Variants in BMP1 observed in about 807,000 individuals in gnomAD.
BMP1 encodes the protein bone morphogenetic protein 1.
A neutral mutation model predicts 116.8 loss-of-function variants in BMP1; 63 were observed. The observed-to-expected ratio is 0.54, with a 90% confidence interval of 0.44 to 0.67. The LOEUF (loss-of-function observed/expected upper bound fraction) is 0.67, where lower values mean the gene tolerates loss of function less well. BMP1 is among the 30% of genes least tolerant of loss of function. The pLI is 0.00. For missense variants in BMP1, 1,183 were observed against 1,358.9 expected, an observed-to-expected ratio of 0.87 and a Z score of 2.04; for synonymous variants, 536 against 533.4, an observed-to-expected ratio of 1.00 and a Z score of -0.07.
chr8:22,180,398 G>C lies in BMP1; in HGVS notation c.992G>C (p.Gly331Ala). 6.2e-7 allele frequency: 1 copy of C among 1,614,004 alleles called. No homozygotes were observed. The highest frequency in any genetic ancestry group is 8.5e-7 in the Non-Finnish European group (1 of 1,179,944). The change falls in exon 8 of 20, where the codon GGC becomes GCC. Residue 331 changes from glycine (G) to alanine (A), a missense_variant. Coordinates refer to ENST00000306385, the MANE Select transcript of BMP1 (RefSeq NM_006129.5). ...ACGETLQDST[G>A]NFSSPEYPNG... ...GGAGAGACCCTGCAAGACAGCACAG[G>C]CAACTTCTCCTCCCCTGAATACCCC...
intron 8 of BMP1, among the ~76,000 whole-genome samples, chr8:22,189,403 G>T (rs928779470): frequency 6.8e-6 from 1 of 146,966 alleles, no homozygotes; most frequent in East Asian, 2.0e-4. Flanking sequence ...TAATTATTCA[G>T]TTGCCCCCTG....
rs1425876715 is a variant in BMP1, at chr8:22,176,516, T to C, written c.434-17T>C. On this transcript the variant is annotated splice_polypyrimidine_tract_variant and intron_variant, in intron 3 of 19. Transcript: ENST00000306385. ...TGCCTGGACACCGTGGCAACCTGGC[T>C]TCCTTCCTCCTGGCAGGTAGCCAGA... is the stretch of plus-strand genomic sequence containing the variant. The C allele has an allele frequency of 1.9e-6, 3 of 1,613,530 alleles. No individual in the cohort carries two copies. In the Admixed American group the frequency reaches 5.0e-5, roughly 27 times the overall value.
chr8:22,165,874 TGTGC>T (rs1283969308), intron 1 of BMP1, among the ~76,000 whole-genome samples: 26 of 139,972 alleles, frequency 1.9e-4, no homozygotes, highest in African/African-American at 5.1e-4. Context: ...GCCAAACTCC[TGTGC>T]GTGCGTGTGT....
At position 22,195,563 on chromosome 8, in the gene BMP1, G is replaced by T; in HGVS notation, c.1741G>T (p.Ala581Ser). 1 of 1,612,296 alleles carries T rather than the reference G, an allele frequency of 6.2e-7. No individual in the cohort carries two copies. The highest frequency in any genetic ancestry group is 1.7e-5 in the Admixed American group (1 of 59,866). ...KCSCDPGYEL[A>S]PDKRRCEAAC... ...CAGCTGTGACCCCGGGTACGAGCTG[G>T]CCCCAGACAAGCGCCGCTGTGAGGG... Residue 581 changes from alanine to serine, a missense_variant, in exon 13 of 20, where the codon GCC (alanine) becomes TCC (serine). This residue lies in a region of BMP1 where 956 missense variants were observed against 1,135.2 expected (regional missense o/e 0.84). Transcript: ENST00000306385.
intron 15 of BMP1, among the ~76,000 whole-genome samples, chr8:22,200,789 C>T (rs1377838917): frequency 6.6e-6 from 1 of 152,146 alleles, no homozygotes; most frequent in Non-Finnish European, 1.5e-5. Context: ...GTACTGTTCC[C>T]CTCTACCGAC....
intron 8 of BMP1, among the ~76,000 whole-genome samples, chr8:22,185,259 C>T (rs1828734384): frequency 6.6e-6 from 1 of 152,040 alleles, no homozygotes; most frequent in Non-Finnish European, 1.5e-5. Context: ...TGAGACCAGC[C>T]TGGCCAACGT....
intron 15 of BMP1, chr8:22,201,477 C>G: frequency 7.1e-7 from 1 of 1,402,328 alleles, no homozygotes; most frequent in Non-Finnish European, 9.2e-7. Context: ...GCTCCTTTCT[C>G]TTGCAGTCTG....
In BMP1 at chr8:22,194,778, A is replaced by G; in HGVS notation, c.1498A>G (p.Ser500Gly). 2 of 1,613,830 alleles carry G rather than the reference A, an allele frequency of 1.2e-6. No individual in the cohort carries two copies. The highest frequency in any genetic ancestry group is 1.7e-4 in the Middle Eastern group (1 of 6,060). The change falls in exon 12 of 20, where the codon AGT becomes GGT. Residue 500 changes from serine (S) to glycine (G), a missense_variant. Coordinates refer to ENST00000306385, the MANE Select transcript of BMP1 (RefSeq NM_006129.5). This position sits in a 1 kb window ranked among gnomAD's most constrained non-coding sequence, Gnocchi z 4.5. Reference protein sequence around the residue: ...YDYLEVRDGHSESSTLIGRYC... With the variant: ...YDYLEVRDGHGESSTLIGRYC... Reference sequence around the variant, plus strand: ...CTATCTGGAGGTGCGCGACGGGCACAGTGAGAGCAGCACCCTCATCGGGCG... The same window carrying G: ...CTATCTGGAGGTGCGCGACGGGCACGGTGAGAGCAGCACCCTCATCGGGCG...
chr8:22,199,669 C>T (rs889266495), intron 15 of BMP1, among the ~76,000 whole-genome samples: 3 of 152,192 alleles, frequency 2.0e-5, no homozygotes, highest in Non-Finnish European at 2.9e-5. Flanking sequence ...TTGCTCAGTC[C>T]GTAAGCTGGG....
At chr8:22,197,151 GATGT>G in intron 14 of BMP1, 85 bp from the exon 15 acceptor site, 1 of 1,503,040 alleles carries the variant, frequency 6.7e-7, no homozygotes, top group Non-Finnish European at 9.0e-7. Flanking sequence ...AAGGCTAAAG[GATGT>G]GCAGAACAGA....
At chr8:22,206,565 G>A (rs1011200464) in intron 16 of BMP1, among the ~76,000 whole-genome samples, 1 of 151,902 alleles carries the variant, frequency 6.6e-6, no homozygotes, top group African/African-American at 2.4e-5. Context: ...GACCCCTGTG[G>A]CCCAACACCT....
chr8:22,194,705 A>G lies in BMP1; in HGVS notation c.1444-19A>G. The G allele has an allele frequency of 6.3e-7, 1 of 1,593,920 alleles. No individual in the cohort carries two copies. The highest frequency in any genetic ancestry group is 1.7e-4 in the Middle Eastern group (1 of 5,956). On this transcript the variant is annotated intron_variant, in intron 11 of 19. Transcript: ENST00000306385. This position sits in a 1 kb window ranked among gnomAD's most constrained non-coding sequence, Gnocchi z 4.5. ...CTGGCAGCCAGAGCCCCTTCCACTGATGAAGCCTCGACCCCTAGATTGAGC... is the reference window on the plus strand; with the variant it reads ...CTGGCAGCCAGAGCCCCTTCCACTGGTGAAGCCTCGACCCCTAGATTGAGC...
chr8:22,168,802 GA>G (rs1225912591), intron 1 of BMP1, among the ~76,000 whole-genome samples: 8 of 152,092 alleles, frequency 5.3e-5, no homozygotes, highest in Non-Finnish European at 1.0e-4. Context: ...AAGGGGTGAG[GA>G]AAAAATTTGT....
intron 15 of BMP1, among the ~76,000 whole-genome samples, chr8:22,200,162 G>A (rs1370458790): frequency 6.6e-6 from 1 of 152,238 alleles, no homozygotes; most frequent in Admixed American, 6.5e-5. Context: ...AGACAGACCT[G>A]AGTGTATGTG....
chr8:22,190,870 A>T (rs1328371659), intron 8 of BMP1, among the ~76,000 whole-genome samples: 3 of 152,146 alleles, frequency 2.0e-5, no homozygotes, highest in East Asian at 3.9e-4. Flanking sequence ...CCAGAGCAGG[A>T]CACCCCTGAA....
intron 8 of BMP1, among the ~76,000 whole-genome samples, chr8:22,186,774 A>G (rs1288715441): frequency 1.3e-5 from 2 of 151,846 alleles, no homozygotes; most frequent in African/African-American, 2.4e-5. Flanking sequence ...TGTTTCCCCA[A>G]CTATAAAATG....
At chr8:22,169,585 C>T (rs1354492413) in intron 1 of BMP1, 1 of 152,270 alleles carries the variant, frequency 6.6e-6, no homozygotes, top group Non-Finnish European at 1.5e-5. Context: ...ACATGCACCT[C>T]TGCAGAAGTG....
At chr8:22,186,731 TG>T (rs1332295657) in intron 8 of BMP1, among the ~76,000 whole-genome samples, 1 of 152,096 alleles carries the variant, frequency 6.6e-6, no homozygotes, top group Non-Finnish European at 1.5e-5. Context: ...CCCTAAGTGC[TG>T]GGATTACAGG....
chr8:22,167,062 A>G (rs925377120), intron 1 of BMP1, among the ~76,000 whole-genome samples: 1 of 152,160 alleles, frequency 6.6e-6, no homozygotes, highest in Admixed American at 6.5e-5. Flanking sequence ...CATACATAAA[A>G]CACTTAATAG....
Sources: gnomAD v4.1 joint callset for allele counts (sites outside exome capture counted in the v4.1 genomes callset) on GRCh38, gnomAD v4.1.1 for gene constraint, gnomAD v4.1.1 regional missense constraint, Gnocchi (gnomAD v3.1) non-coding constraint, MANE v1.5 for transcripts, NCBI Gene and HGNC (gene_info 2026-07-23, HGNC 2026-07-21) for gene names.